The following PIGL variants were observed in gnomAD, a reference collection of about 807,000 sequenced individuals.
PIGL encodes the protein phosphatidylinositol glycan anchor biosynthesis class L.
A neutral mutation model predicts 31.1 loss-of-function variants in PIGL; 22 were observed. The observed-to-expected ratio is 0.71, with a 90% CI of 0.51 to 1.01. The LOEUF is 1.01. PIGL is among the 50% of genes least tolerant of loss of function. PIGL has a pLI of 0.00. For synonymous variants in PIGL, 131 were observed against 117.4 expected (o/e 1.12, Z -0.75); for missense variants, 302 against 315.9 (o/e 0.96, Z 0.33).
At chr17:16,298,016 G>A (rs114894985) in intron 2 of PIGL, among the ~76,000 whole-genome samples, 204 of 152,176 alleles carry the variant, frequency 1.3e-3, no homozygotes, top group African/African-American at 4.7e-3. Flanking sequence ...TTTGAACTCC[G>A]CGTGCGAGGG....
At chr17:16,319,755 CAAA>C (rs56080514) in intron 6 of PIGL, among the ~76,000 whole-genome samples, 13 of 78,710 alleles carry the variant, frequency 1.7e-4, no homozygotes, top group East Asian at 3.6e-4. Context: ...ACTCCGTCTC[CAAA>C]AAAAAAAAAA....
intron 2 of PIGL, among the ~76,000 whole-genome samples, chr17:16,250,785 A>C (rs1448356928): frequency 1.3e-5 from 2 of 152,218 alleles, no homozygotes. Context: ...ACACAGTGGG[A>C]GGTTGAGTAA....
chr17:16,254,935 G>A (rs2092787856), intron 2 of PIGL, among the ~76,000 whole-genome samples: 1 of 152,146 alleles, frequency 6.6e-6, no homozygotes, highest in Non-Finnish European at 1.5e-5. Context: ...AGGCCGTAAG[G>A]CCCTTTGAAC....
At chr17:16,307,071 G>T (rs1349353094) in intron 3 of PIGL, among the ~76,000 whole-genome samples, 1 of 152,196 alleles carries the variant, frequency 6.6e-6, no homozygotes, top group Non-Finnish European at 1.5e-5. Flanking sequence ...GAGCTGCTCG[G>T]TTTTAACAAA....
chr17:16,253,614 G>A (rs2092781793), intron 2 of PIGL, among the ~76,000 whole-genome samples: 1 of 152,058 alleles, frequency 6.6e-6, no homozygotes, highest in Admixed American at 6.6e-5. Flanking sequence ...TTTAGCACCT[G>A]TTTATACACA....
At chr17:16,226,987 C>T (rs950558151) in intron 1 of PIGL, among the ~76,000 whole-genome samples, 6 of 152,194 alleles carry the variant, frequency 3.9e-5, no homozygotes, top group African/African-American at 1.4e-4. Flanking sequence ...CATTCTAGAA[C>T]ATGTTTGCCT....
In PIGL at chr17:16,311,604, C is replaced by CT. The variant is rs922246853; in HGVS notation, c.427-1943_427-1942insT. ...TGGTTTTCCTAGGCAGAGGACCCTGCGGCCTTCCGCAGTGTTTGTGTCCCT... is the reference window on the plus strand; with the variant it reads ...TGGTTTTCCTAGGCAGAGGACCCTGCTGGCCTTCCGCAGTGTTTGTGTCCCT... On this transcript the variant is annotated intron_variant, in intron 3 of 6. Transcript: ENST00000225609. Among the ~76,000 whole-genome samples, 8 of 148,170 alleles carry CT rather than the reference C, an allele frequency of 5.4e-5. 1 individual carries two copies. The highest frequency in any genetic ancestry group is 4.8e-4 in the Admixed American group (7 of 14,694).
intron 2 of PIGL, among the ~76,000 whole-genome samples, chr17:16,241,747 C>T (rs931534949): frequency 4.2e-4 from 64 of 152,156 alleles, no homozygotes; most frequent in Middle Eastern, 3.4e-3. Flanking sequence ...GAATTATCTG[C>T]TCAGTATTAA....
chr17:16,222,589 T>G (rs1398132222), intron 1 of PIGL, among the ~76,000 whole-genome samples: 1 of 152,128 alleles, frequency 6.6e-6, no homozygotes, highest in African/African-American at 2.4e-5. Flanking sequence ...GGTTTTTCTC[T>G]GTTCTAAAAC....
chr17:16,298,962 G>A (rs1289530142), intron 2 of PIGL, among the ~76,000 whole-genome samples: 1 of 151,996 alleles, frequency 6.6e-6, no homozygotes, highest in Non-Finnish European at 1.5e-5. Flanking sequence ...AGGAGATGGA[G>A]GTTACAGTGA....
At chr17:16,311,345 A>G (rs1226679623) in intron 3 of PIGL, among the ~76,000 whole-genome samples, 1 of 150,556 alleles carries the variant, frequency 6.6e-6, no homozygotes, top group Non-Finnish European at 1.5e-5. Flanking sequence ...AATCTCTATG[A>G]CAATTGTGTG....
At chr17:16,253,543 T>A (rs2092781584) in intron 2 of PIGL, among the ~76,000 whole-genome samples, 1 of 152,222 alleles carries the variant, frequency 6.6e-6, no homozygotes, top group Non-Finnish European at 1.5e-5. Flanking sequence ...TAAAACTTTT[T>A]AAAAATACAC....
At chr17:16,225,967 C>T (rs2092650300) in intron 1 of PIGL, among the ~76,000 whole-genome samples, 1 of 151,190 alleles carries the variant, frequency 6.6e-6, no homozygotes, top group Non-Finnish European at 1.5e-5. Flanking sequence ...GATCACTTAA[C>T]CCAAGAGTTC....
At position 16,271,912 on chromosome 17, in the gene PIGL, G is replaced by A. The variant is rs1027630717; in HGVS notation, c.336-27976G>A. 2.0e-5 allele frequency among the ~76,000 whole-genome samples: 3 copies of A among 151,926 alleles called. No homozygotes were observed. In the South Asian group the frequency reaches 6.2e-4, roughly 32 times the overall value. ...TTATTTTATTTTCATTATTTTTTGA[G>A]ACATAGTTTCCTCTGTCTCCCAGGC... is the stretch of plus-strand genomic sequence containing the variant. On this transcript the variant is annotated intron_variant, in intron 2 of 6. Coordinates refer to ENST00000225609, the MANE Select transcript of PIGL (RefSeq NM_004278.4).
intron 2 of PIGL, among the ~76,000 whole-genome samples, chr17:16,287,862 C>T (rs1375187850): frequency 6.6e-6 from 1 of 152,164 alleles, no homozygotes; most frequent in East Asian, 1.9e-4. Flanking sequence ...GACCTCTTTC[C>T]ACTCCAATTG....
chr17:16,282,814 A>G lies in PIGL; in HGVS notation c.336-17074A>G, dbSNP rs1480047526. Reference sequence around the variant, plus strand: ...GCTGGGAAAGATGTCCAGGCTGGTCATAGGACTCAGCCCCTATTATGGGTC... The same window carrying G: ...GCTGGGAAAGATGTCCAGGCTGGTCGTAGGACTCAGCCCCTATTATGGGTC... On this transcript the variant is annotated intron_variant, in intron 2 of 6. Coordinates refer to ENST00000225609, the MANE Select transcript of PIGL (RefSeq NM_004278.4). 2.6e-5 allele frequency among the ~76,000 whole-genome samples: 4 copies of G among 152,176 alleles called. No individual in the cohort carries two copies. In the East Asian group the frequency reaches 5.8e-4, roughly 22 times the overall value.
intron 6 of PIGL, among the ~76,000 whole-genome samples, chr17:16,325,458 A>AT (rs1243313271): frequency 6.6e-6 from 1 of 151,190 alleles, no homozygotes; most frequent in East Asian, 1.9e-4. Flanking sequence ...TCATCTATTT[A>AT]TTTTTTAAAA....
At chr17:16,324,173 C>G (rs897841511) in intron 6 of PIGL, among the ~76,000 whole-genome samples, 1 of 151,302 alleles carries the variant, frequency 6.6e-6, no homozygotes, top group Non-Finnish European at 1.5e-5. Context: ...CCATGTTGGT[C>G]AGGCTGGTCT....
intron 2 of PIGL, among the ~76,000 whole-genome samples, chr17:16,292,574 A>C (rs575685687): frequency 2.0e-5 from 3 of 152,344 alleles, no homozygotes; most frequent in Admixed American, 6.5e-5. Context: ...AGGCATACAG[A>C]GTTATGGATA....
Sources: allele counts gnomAD v4.1 joint callset (sites outside exome capture counted in the v4.1 genomes callset), GRCh38; gene constraint gnomAD v4.1.1; transcripts MANE v1.5; gene names NCBI Gene and HGNC (gene_info 2026-07-23, HGNC 2026-07-21).